Variants in TOX observed in about 807,000 individuals in gnomAD.
TOX encodes thymocyte selection associated high mobility group box, also known as thymocyte selection-associated high mobility group box protein TOX.
A neutral mutation model predicts 53.7 loss-of-function variants in TOX; 11 were observed. That is an observed-to-expected ratio of 0.20 (90% CI 0.13 to 0.34). The LOEUF (loss-of-function observed/expected upper bound fraction) is 0.34. Among genes scored for constraint, TOX ranks in the 10% least tolerant of loss-of-function variants. The probability of loss-of-function intolerance (pLI) is 1.00; values close to 1 mark genes in which losing one functional copy is unlikely to be tolerated. For synonymous variants in TOX, 225 were observed against 245.3 expected (o/e 0.92, Z 0.77); for missense variants, 570 against 664.6 (o/e 0.86, Z 1.56).
At chr8:58,991,761 C>T (rs1205064986) in intron 1 of TOX, 4 of 152,232 alleles carry the variant, frequency 2.6e-5, no homozygotes, top group Non-Finnish European at 5.9e-5. Flanking sequence ...AAGGGGTCTT[C>T]TCTCTAGCAA....
chr8:59,057,334 C>T (rs1402491565), intron 1 of TOX, among the ~76,000 whole-genome samples: 1 of 152,088 alleles, frequency 6.6e-6, no homozygotes, highest in Non-Finnish European at 1.5e-5. Flanking sequence ...CTACACTGAG[C>T]CCTTTACAAG....
intron 1 of TOX, among the ~76,000 whole-genome samples, chr8:59,015,881 A>C (rs1047447369): frequency 6.6e-6 from 1 of 152,200 alleles, no homozygotes; most frequent in African/African-American, 2.4e-5. Context: ...GTCATTTGAG[A>C]TGTTTCTATT....
intron 1 of TOX, among the ~76,000 whole-genome samples, chr8:59,094,929 T>C (rs563997758): frequency 2.6e-5 from 4 of 152,344 alleles, no homozygotes; most frequent in Non-Finnish European, 2.9e-5. Context: ...CATTTGGTAG[T>C]GGCACAGAAA....
At chr8:58,970,589 T>C (rs1585932530) in intron 1 of TOX, among the ~76,000 whole-genome samples, 1 of 152,222 alleles carries the variant, frequency 6.6e-6, no homozygotes, top group Admixed American at 6.5e-5. Flanking sequence ...GCCTTCTCTG[T>C]GCCTATGTCT....
intron 1 of TOX, among the ~76,000 whole-genome samples, chr8:59,002,786 G>A (rs1483799712): frequency 6.6e-6 from 1 of 152,190 alleles, no homozygotes; most frequent in East Asian, 1.9e-4. Flanking sequence ...TAATATTTCT[G>A]ATAGGGAATA....
At chr8:58,939,081 T>C (rs1267694222) in intron 3 of TOX, among the ~76,000 whole-genome samples, 1 of 152,240 alleles carries the variant, frequency 6.6e-6, no homozygotes, top group Non-Finnish European at 1.5e-5. Context: ...CTTTGGGTCA[T>C]AAATACGAGT....
intron 2 of TOX, among the ~76,000 whole-genome samples, chr8:58,941,174 C>T (rs895642957): frequency 2.0e-5 from 3 of 152,280 alleles, no homozygotes; most frequent in South Asian, 2.1e-4. Context: ...AATTCTCACT[C>T]GTCTGATATA....
At position 58,824,329 on chromosome 8, in the gene TOX, C is replaced by T. The variant is rs188906300; in HGVS notation, c.1005+2493G>A. On this transcript the variant is annotated intron_variant, in intron 6 of 8. Coordinates refer to ENST00000361421, the MANE Select transcript of TOX (RefSeq NM_014729.3). ...CGTAAGTCCCATCAGGGTATCTGTC[C>T]CTTACCAGAACCCATTCTGTGGCTT... Among the ~76,000 whole-genome samples, 394 of 152,270 alleles carry T rather than the reference C, an allele frequency of 2.6e-3. 3 individuals are homozygous for T. The highest frequency in any genetic ancestry group is 4.5e-3 in the Non-Finnish European group (303 of 68,022).
At chr8:58,976,716 C>T (rs1048104360) in intron 1 of TOX, among the ~76,000 whole-genome samples, 2 of 152,194 alleles carry the variant, frequency 1.3e-5, no homozygotes, top group Non-Finnish European at 2.9e-5. Flanking sequence ...TTTTACTCCT[C>T]GATCCATGGG....
intron 2 of TOX, among the ~76,000 whole-genome samples, chr8:58,939,897 C>T (rs755103554): frequency 1.3e-5 from 2 of 152,180 alleles, no homozygotes; most frequent in African/African-American, 2.4e-5. Flanking sequence ...ATAAAATTAA[C>T]GTTTGATCAA....
intron 1 of TOX, among the ~76,000 whole-genome samples, chr8:59,024,425 A>G (rs914448673): frequency 1.3e-5 from 2 of 152,202 alleles, no homozygotes; most frequent in African/African-American, 2.4e-5. Flanking sequence ...ATAAAAGAAG[A>G]TATTCTCAGT....
chr8:58,998,515 A>G (rs28453749), intron 1 of TOX, among the ~76,000 whole-genome samples: 2 of 80,766 alleles, frequency 2.5e-5, no homozygotes, highest in South Asian at 4.7e-4. Context: ...ATATATATAT[A>G]TATATATATA....
chr8:59,088,560 A>G (rs1804553489), intron 1 of TOX, among the ~76,000 whole-genome samples: 1 of 152,208 alleles, frequency 6.6e-6, no homozygotes, highest in Non-Finnish European at 1.5e-5. Flanking sequence ...TGTTCATGTC[A>G]GGAGGATAAA....
At chr8:58,987,193 T>G (rs555627510) in intron 1 of TOX, among the ~76,000 whole-genome samples, 1 of 152,290 alleles carries the variant, frequency 6.6e-6, no homozygotes, top group South Asian at 2.1e-4. Flanking sequence ...GACACGATTT[T>G]CCCTTAGTGT....
intron 3 of TOX, among the ~76,000 whole-genome samples, chr8:58,906,027 A>G (rs1227070137): frequency 6.6e-6 from 1 of 152,222 alleles, no homozygotes; most frequent in Non-Finnish European, 1.5e-5. Context: ...CTAGGAATAT[A>G]AAATATTAAC....
chr8:58,891,202 A>G (rs1811555260), intron 3 of TOX, among the ~76,000 whole-genome samples: 2 of 152,190 alleles, frequency 1.3e-5, no homozygotes, highest in Admixed American at 1.3e-4. Flanking sequence ...AGAAAATAAA[A>G]GACCTAAACA....
At chr8:58,860,250 A>C (rs1013799327) in intron 3 of TOX, among the ~76,000 whole-genome samples, 11 of 152,138 alleles carry the variant, frequency 7.2e-5, no homozygotes, top group Admixed American at 2.6e-4. Flanking sequence ...TCATAAAAAG[A>C]GGATAATTTT....
At chr8:59,014,428 C>CT (rs1455969007) in intron 1 of TOX, among the ~76,000 whole-genome samples, 1 of 152,136 alleles carries the variant, frequency 6.6e-6, no homozygotes, top group African/African-American at 2.4e-5. Context: ...GAGTGTTGAG[C>CT]TTTTTTTATT....
intron 7 of TOX, among the ~76,000 whole-genome samples, chr8:58,809,530 C>T (rs1585836385): frequency 6.6e-6 from 1 of 152,324 alleles, no homozygotes; most frequent in East Asian, 1.9e-4. Flanking sequence ...CCCACACAAG[C>T]TGTGGACAAA....
Sources: allele counts gnomAD v4.1 joint callset (sites outside exome capture counted in the v4.1 genomes callset), GRCh38; gene constraint gnomAD v4.1.1; transcripts MANE v1.5; gene names NCBI Gene and HGNC (gene_info 2026-07-23, HGNC 2026-07-21).